CYP7B1: variants seen among roughly 807,000 people sequenced by gnomAD.
CYP7B1 encodes cytochrome P450 family 7 subfamily B member 1, also known as cytochrome P450 7B1.
CYP7B1 carries 29 observed loss-of-function variants against 42.7 expected under a neutral mutation model. That is an observed-to-expected ratio of 0.68 (90% CI 0.51 to 0.93). The LOEUF (loss-of-function observed/expected upper bound fraction) is 0.93. Ranked by LOEUF, CYP7B1 falls within the 40% of genes least tolerant of loss-of-function variation. The probability of loss-of-function intolerance (pLI) is 0.00; values close to 1 mark genes in which losing one functional copy is unlikely to be tolerated. For missense variants in CYP7B1, 655 were observed against 600.5 expected (o/e 1.09, Z -0.95); for synonymous variants, 235 against 218.2 (o/e 1.08, Z -0.68).
chr8:64,642,035 A>T (rs1181346508), intron 1 of CYP7B1, among the ~76,000 whole-genome samples: 3 of 152,214 alleles, frequency 2.0e-5, no homozygotes, highest in Non-Finnish European at 4.4e-5. Flanking sequence ...TGTTTCAGGT[A>T]ATGAACTACA....
At chr8:64,625,726 T>G (rs990167388) in intron 1 of CYP7B1, among the ~76,000 whole-genome samples, 1 of 152,198 alleles carries the variant, frequency 6.6e-6, no homozygotes, top group Non-Finnish European at 1.5e-5. Flanking sequence ...TATTTTGTTT[T>G]CTATACAGCA....
intron 4 of CYP7B1, among the ~76,000 whole-genome samples, chr8:64,606,034 T>C (rs1437634349): frequency 6.6e-6 from 1 of 152,244 alleles, no homozygotes; most frequent in Non-Finnish European, 1.5e-5. Flanking sequence ...GGCTATCAAG[T>C]AGCTTTGGGT....
chr8:64,731,521 C>A (rs1807408068), intron 1 of CYP7B1, among the ~76,000 whole-genome samples: 1 of 152,040 alleles, frequency 6.6e-6, no homozygotes, highest in Admixed American at 6.6e-5. Flanking sequence ...GAAAGCAGGG[C>A]ATAAAAGTTT....
chr8:64,754,669 G>T (rs1207636093), intron 1 of CYP7B1, among the ~76,000 whole-genome samples: 1 of 152,108 alleles, frequency 6.6e-6, no homozygotes, highest in Admixed American at 6.5e-5. Context: ...AGGTGAGTTT[G>T]ACCATTAGGA....
intron 1 of CYP7B1, among the ~76,000 whole-genome samples, chr8:64,629,966 C>T (rs1435272086): frequency 6.6e-6 from 1 of 152,122 alleles, no homozygotes; most frequent in Admixed American, 6.5e-5. Context: ...CAAGGAAGCA[C>T]AAGGCCACAA....
At chr8:64,677,218 C>A (rs1806459122) in intron 1 of CYP7B1, among the ~76,000 whole-genome samples, 1 of 151,960 alleles carries the variant, frequency 6.6e-6, no homozygotes, top group Admixed American at 6.6e-5. Context: ...CCTACCCTAA[C>A]TGGCCATTAA....
intron 3 of CYP7B1, 151 bp downstream of exon 3, chr8:64,615,540 T>G: frequency 1.3e-6 from 1 of 752,118 alleles, no homozygotes; most frequent in Admixed American, 2.8e-5. Flanking sequence ...AAAATATCAA[T>G]TATAGAGGGT....
At position 64,615,078 on chromosome 8, in the gene CYP7B1, A is replaced by T; in HGVS notation, c.1005T>A (p.Ser335=). ...CTCTGGTGAGGTGGATGGGAAATCC[A>T]GACCCTTTCTTTTGACCTGTTGACT... ...LLQSTGQKKG[S]GFPIHLTREQ... The change falls in exon 4 of 6, where the codon TCT becomes TCA. Residue 335 remains serine (S), a synonymous_variant. Coordinates refer to ENST00000310193, the MANE Select transcript of CYP7B1 (RefSeq NM_004820.5). The T allele has an allele frequency of 1.2e-6, 2 of 1,613,768 alleles. No homozygotes were observed. Among genetic ancestry groups the T allele is most frequent in the Non-Finnish European group, 1.7e-6 (2 of 1,179,756 alleles).
chr8:64,694,825 G>C (rs1456490669), intron 1 of CYP7B1, among the ~76,000 whole-genome samples: 1 of 152,086 alleles, frequency 6.6e-6, no homozygotes, highest in Non-Finnish European at 1.5e-5. Context: ...GGAATGTAAT[G>C]GTTTCCCAGA....
intron 1 of CYP7B1, among the ~76,000 whole-genome samples, chr8:64,705,231 G>GT (rs1279017583): frequency 2.0e-5 from 3 of 151,262 alleles, no homozygotes; most frequent in Non-Finnish European, 4.4e-5. Context: ...CAAAAAGGTG[G>GT]GGGGGGGAAT....
At position 64,604,767 on chromosome 8, in the gene CYP7B1, C is replaced by T; in HGVS notation, c.1148G>A (p.Gly383Glu). The T allele has an allele frequency of 1.2e-6, 2 of 1,614,098 alleles. No homozygotes were observed. The highest frequency in any genetic ancestry group is 1.7e-6 in the Non-Finnish European group (2 of 1,180,016). Residue 383 changes from glycine to glutamate, a missense_variant, in exon 5 of 6, where the codon GGG (glycine) becomes GAG (glutamate). Coordinates refer to ENST00000310193, the MANE Select transcript of CYP7B1 (RefSeq NM_004820.5). ...EEDLTLSSETGDYCVRKGDLV... is the reference protein window; with the variant it reads ...EEDLTLSSETEDYCVRKGDLV... ...GTCTCCCTTTCGCACACAGTAGTCC[C>T]CGGTCTCTGAACTGAGAGTCAAATC...
At chr8:64,764,857 C>A (rs1171722657) in intron 1 of CYP7B1, among the ~76,000 whole-genome samples, 2 of 151,836 alleles carry the variant, frequency 1.3e-5, no homozygotes, top group African/African-American at 4.8e-5. Flanking sequence ...TAACATTAAC[C>A]ACTGAAAAAT....
At chr8:64,792,281 A>G (rs1804631315) in intron 1 of CYP7B1, among the ~76,000 whole-genome samples, 1 of 152,204 alleles carries the variant, frequency 6.6e-6, no homozygotes, top group Admixed American at 6.5e-5. Context: ...AGAGAGATTA[A>G]GAGAAGAACT....
intron 1 of CYP7B1, among the ~76,000 whole-genome samples, chr8:64,657,613 T>C (rs1006380701): frequency 1.3e-5 from 2 of 152,160 alleles, no homozygotes; most frequent in Non-Finnish European, 2.9e-5. Flanking sequence ...AAAATGTATG[T>C]TAAAGGAAGA....
intron 1 of CYP7B1, among the ~76,000 whole-genome samples, chr8:64,777,175 A>G (rs1308875781): frequency 4.6e-5 from 3 of 65,628 alleles, no homozygotes; most frequent in Admixed American, 1.3e-4. Context: ...GTCATTTTGT[A>G]AAAAAAAAAA....
intron 1 of CYP7B1, among the ~76,000 whole-genome samples, chr8:64,673,529 T>A (rs1170222492): frequency 6.6e-6 from 1 of 152,152 alleles, no homozygotes; most frequent in East Asian, 1.9e-4. Flanking sequence ...ATCTTAACAA[T>A]ACATGTTTGA....
intron 2 of CYP7B1, among the ~76,000 whole-genome samples, chr8:64,618,130 T>C (rs977965568): frequency 1.2e-4 from 18 of 151,166 alleles, no homozygotes; most frequent in African/African-American, 3.9e-4. Context: ...GCATATTTTA[T>C]GACACCTGCT....
At chr8:64,671,726 G>A (rs1285733615) in intron 1 of CYP7B1, among the ~76,000 whole-genome samples, 2 of 151,942 alleles carry the variant, frequency 1.3e-5, no homozygotes, top group African/African-American at 2.4e-5. Context: ...TACAATAAAT[G>A]TGTGTATGGA....
intron 1 of CYP7B1, among the ~76,000 whole-genome samples, chr8:64,747,259 A>T (rs1807657705): frequency 1.3e-5 from 2 of 148,182 alleles, no homozygotes; most frequent in South Asian, 2.1e-4. Context: ...TAAACGTAGT[A>T]TAAGTCATAT....
Sources: gnomAD v4.1 joint callset for allele counts (sites outside exome capture counted in the v4.1 genomes callset) on GRCh38, gnomAD v4.1.1 for gene constraint, MANE v1.5 for transcripts, NCBI Gene and HGNC (gene_info 2026-07-23, HGNC 2026-07-21) for gene names.